Variants in SLC44A1 observed in about 807,000 individuals in gnomAD.
The protein encoded by SLC44A1 is solute carrier family 44 member 1.
Under a neutral mutation model 79.3 loss-of-function variants are expected in SLC44A1, and 26 were observed. The ratio of observed to expected loss-of-function variants is 0.33; its 90% CI spans 0.24 to 0.46. SLC44A1 has a LOEUF of 0.46. Among genes scored for constraint, SLC44A1 ranks in the 20% least tolerant of loss-of-function variants. The pLI is 1.00. For missense variants in SLC44A1, 688 were observed against 798.1 expected (o/e 0.86, Z 1.66); for synonymous variants, 263 against 286.2 (o/e 0.92, Z 0.82).
At position 105,298,111 on chromosome 9, in the gene SLC44A1, G is replaced by GAAA. The variant is rs3030594; in HGVS notation, c.37-1100_37-1098dup. ...CGAGATCCTAAGACTATTGAAATAA[G>GAAA]AAAAAAAAAAATGCAGTTGGAATTC... On this transcript the variant is annotated intron_variant, in intron 1 of 15. Coordinates refer to ENST00000374720, the MANE Select transcript of SLC44A1 (RefSeq NM_080546.5). 4.6e-3 allele frequency among the ~76,000 whole-genome samples: 666 copies of GAAA among 145,386 alleles called. 6 individuals are homozygous for GAAA. The highest frequency in any genetic ancestry group is 0.015 in the African/African-American group (605 of 40,166).
chr9:105,347,999 C>G (rs977836430), intron 4 of SLC44A1, among the ~76,000 whole-genome samples: 1 of 151,994 alleles, frequency 6.6e-6, no homozygotes, highest in East Asian at 1.9e-4. Context: ...TATCTCTTAG[C>G]CTCTATTTCC....
In SLC44A1 at chr9:105,298,111, GA is replaced by G. The variant is rs3030594; in HGVS notation, c.37-1098del. 3.6e-3 allele frequency among the ~76,000 whole-genome samples: 520 copies of G among 145,298 alleles called. 4 individuals are homozygous for G. The highest frequency in any genetic ancestry group is 0.012 in the African/African-American group (472 of 40,168). On this transcript the variant is annotated intron_variant, in intron 1 of 15. Coordinates refer to ENST00000374720, the MANE Select transcript of SLC44A1 (RefSeq NM_080546.5). ...CGAGATCCTAAGACTATTGAAATAA[GA>G]AAAAAAAAAATGCAGTTGGAATTCC... is the stretch of plus-strand genomic sequence containing the variant.
intron 15 of SLC44A1, among the ~76,000 whole-genome samples, chr9:105,429,291 A>G (rs1216560892): frequency 1.3e-5 from 2 of 152,036 alleles, no homozygotes; most frequent in African/African-American, 2.4e-5. Context: ...TATTACTTTA[A>G]TCTTTTTGGT....
At chr9:105,257,886 A>G (rs903315757) in intron 1 of SLC44A1, among the ~76,000 whole-genome samples, 19 of 152,316 alleles carry the variant, frequency 1.2e-4, no homozygotes, top group African/African-American at 4.3e-4. Context: ...TGGGGAAGGC[A>G]TTCATATTTG....
chr9:105,269,961 T>G (rs772655702), intron 1 of SLC44A1, among the ~76,000 whole-genome samples: 2 of 152,234 alleles, frequency 1.3e-5, no homozygotes, highest in Non-Finnish European at 2.9e-5. Flanking sequence ...TGAAACAGTT[T>G]ACTCACCTAC....
At chr9:105,336,500 A>G (rs1052057461) in intron 4 of SLC44A1, among the ~76,000 whole-genome samples, 1 of 151,922 alleles carries the variant, frequency 6.6e-6, no homozygotes, top group Non-Finnish European at 1.5e-5. Context: ...CGTTTTTTTA[A>G]CCACCCTTTG....
intron 15 of SLC44A1, among the ~76,000 whole-genome samples, chr9:105,403,842 G>A (rs1319582166): frequency 2.1e-5 from 2 of 96,388 alleles, no homozygotes; most frequent in Admixed American, 1.4e-4. Flanking sequence ...GTAGGTGTGG[G>A]GACATGAAAT....
intron 4 of SLC44A1, among the ~76,000 whole-genome samples, chr9:105,345,114 A>G (rs7034666): frequency 0.13 from 19,266 of 152,130 alleles, 2,340 homozygotes; most frequent in African/African-American, 0.32. Flanking sequence ...CTGAGGATAG[A>G]GATATGATAT....
At chr9:105,371,970 A>T (rs750042827) in intron 12 of SLC44A1, among the ~76,000 whole-genome samples, 7 of 152,170 alleles carry the variant, frequency 4.6e-5, no homozygotes, top group Non-Finnish European at 1.0e-4. Context: ...TCATTGAGGC[A>T]CTTGGCAGAG....
chr9:105,409,339 G>T (rs1291024196), intron 15 of SLC44A1, among the ~76,000 whole-genome samples: 2 of 152,146 alleles, frequency 1.3e-5, no homozygotes, highest in Non-Finnish European at 2.9e-5. Context: ...TTACTAGAGA[G>T]GACATTTTAT....
intron 7 of SLC44A1, 77 bp downstream of exon 7, chr9:105,358,510 ATAAAT>A (rs1827688686): frequency 1.2e-6 from 1 of 815,598 alleles, no homozygotes; most frequent in Non-Finnish European, 2.1e-6. Context: ...AAAGAAGAAA[ATAAAT>A]TATATTTTCA....
Position 105,391,443 on chromosome 9 carries a change from T to C in SLC44A1, c.*2387T>C. ...TATAATCTATGTGTAACCATGTCAT[T>C]TGAGTTGCAAATTAATTGCCAGGCT... is the stretch of plus-strand genomic sequence containing the variant. On this transcript the variant is annotated 3_prime_UTR_variant, in exon 16 of 16. Transcript: ENST00000374720. The C allele has an allele frequency of 1.0e-6, 1 of 985,678 alleles. No homozygotes were observed. The highest frequency in any genetic ancestry group is 1.2e-6 in the Non-Finnish European group (1 of 829,736). 61.1% of individuals were successfully genotyped at this position (985,678 alleles called of 1,614,324 possible).
At chr9:105,294,615 C>T (rs1010666531) in intron 1 of SLC44A1, 3 of 151,942 alleles carry the variant, frequency 2.0e-5, no homozygotes, top group Non-Finnish European at 4.4e-5. Flanking sequence ...GTATCTTTGG[C>T]TTTCAAGGGT....
At chr9:105,349,489 A>G (rs1475000292) in intron 5 of SLC44A1, among the ~76,000 whole-genome samples, 1 of 152,216 alleles carries the variant, frequency 6.6e-6, no homozygotes, top group African/African-American at 2.4e-5. Context: ...TCAAGTTGCT[A>G]TTGAAAAATC....
intron 1 of SLC44A1, among the ~76,000 whole-genome samples, chr9:105,282,789 A>G (rs1301035525): frequency 3.3e-5 from 5 of 150,914 alleles, no homozygotes; most frequent in Non-Finnish European, 7.4e-5. Flanking sequence ...CTCGTGATCC[A>G]CCCCCCTTGG....
At chr9:105,329,924 A>G (rs1833081485) in intron 3 of SLC44A1, among the ~76,000 whole-genome samples, 1 of 151,974 alleles carries the variant, frequency 6.6e-6, no homozygotes, top group African/African-American at 2.4e-5. Context: ...AGAATTACAC[A>G]ATTTCCACTG....
chr9:105,327,966 G>A (rs1390839446), intron 3 of SLC44A1, among the ~76,000 whole-genome samples: 1 of 151,980 alleles, frequency 6.6e-6, no homozygotes, highest in Admixed American at 6.6e-5. Context: ...ACTTATTTAG[G>A]CCTACACCTG....
intron 10 of SLC44A1, 109 bp downstream of exon 10, chr9:105,364,829 C>G (rs762645487): frequency 9.2e-5 from 73 of 796,914 alleles, no homozygotes; most frequent in Non-Finnish European, 1.3e-4. Flanking sequence ...ATTTCTTTAA[C>G]AAAAGAATTA....
chr9:105,306,358 C>T (rs1175039924), intron 2 of SLC44A1, among the ~76,000 whole-genome samples: 1 of 152,190 alleles, frequency 6.6e-6, no homozygotes, highest in Non-Finnish European at 1.5e-5. Context: ...ACTTTAATTT[C>T]ATGTGCCACA....
Sources: allele counts gnomAD v4.1 joint callset (sites outside exome capture counted in the v4.1 genomes callset), GRCh38; gene constraint gnomAD v4.1.1; transcripts MANE v1.5; gene names NCBI Gene and HGNC (gene_info 2026-07-23, HGNC 2026-07-21).